Variants in PDE6B observed in about 807,000 individuals in gnomAD.
The protein encoded by PDE6B is rod cGMP-specific 3',5'-cyclic phosphodiesterase subunit beta.
Under a neutral mutation model 109.0 loss-of-function variants are expected in PDE6B, and 106 were observed. The observed-to-expected ratio is 0.97, with a 90% CI of 0.83 to 1.14. PDE6B has a LOEUF of 1.14. Ranked by LOEUF, PDE6B falls within the 50% of genes most tolerant of loss-of-function variation. PDE6B has a pLI of 0.00. For missense variants in PDE6B, 1,193 were observed against 1,155.6 expected (o/e 1.03, Z -0.47); for synonymous variants, 490 against 471.3 (o/e 1.04, Z -0.51).
In PDE6B at chr4:663,024, A is replaced by AT; in HGVS notation, c.1833-75dup. On this transcript the variant is annotated intron_variant, in intron 14 of 21. Coordinates refer to ENST00000496514, the MANE Select transcript of PDE6B (RefSeq NM_000283.4). The surrounding 1 kb of genome is among the most constrained non-coding windows in gnomAD (Gnocchi z 4.0). Reference sequence around the variant, plus strand: ...TCTCAAAAAAAAGAAAGTGGGGCCCATCTGGGGGGGCTGCAGAGCGCAGGG... The same window carrying AT: ...TCTCAAAAAAAAGAAAGTGGGGCCCATTCTGGGGGGGCTGCAGAGCGCAGGG... The AT allele has an allele frequency of 1.2e-6, 1 of 854,978 alleles. No individual in the cohort carries two copies. Among genetic ancestry groups the AT allele is most frequent in the South Asian group, 1.3e-5 (1 of 75,816 alleles). 53.0% of individuals were successfully genotyped at this position (854,978 alleles called of 1,614,324 possible). A position where few individuals can be genotyped will look rare whatever the true frequency, so the allele number is the denominator to read the frequency against.
chr4:662,436 T>G lies in PDE6B; in HGVS notation c.1723-73T>G. 1 of 1,097,152 alleles carries G rather than the reference T, an allele frequency of 9.1e-7. No individual in the cohort carries two copies. The highest frequency in any genetic ancestry group is 1.4e-6 in the Non-Finnish European group (1 of 712,796). The allele number at this position is 1,097,152 out of a possible 1,614,324, so 68.0% of individuals were successfully genotyped here. On this transcript the variant is annotated intron_variant, in intron 13 of 21. Transcript: ENST00000496514. The surrounding 1 kb of genome is among the most constrained non-coding windows in gnomAD (Gnocchi z 4.3). ...TCCAACCTCCAACCCGACGCCTAGG[T>G]CATCCCAACCCCTCACCACTCCCCA...
At chr4:638,363 A>G (rs1230244970) in intron 3 of PDE6B, among the ~76,000 whole-genome samples, 3 of 152,088 alleles carry the variant, frequency 2.0e-5, no homozygotes, top group East Asian at 3.9e-4. Context: ...TACTCTTGTC[A>G]TTCAGGTGGA....
At position 639,970 on chromosome 4, in the gene PDE6B, C is replaced by A. The variant is rs541519743; in HGVS notation, c.711+4001C>A. Among the ~76,000 whole-genome samples the A allele has an allele frequency of 1.7e-4, 26 of 152,142 alleles. No individual in the cohort carries two copies. In the South Asian group the frequency reaches 5.2e-3, roughly 30 times the overall value. ...CCGAGATCACCCCACTGTACTCCAGCCTGGGCGACAGAGCGAGACTCCATC... is the reference window on the plus strand; with the variant it reads ...CCGAGATCACCCCACTGTACTCCAGACTGGGCGACAGAGCGAGACTCCATC... On this transcript the variant is annotated intron_variant, in intron 3 of 21. Transcript: ENST00000496514.
chr4:643,486 C>T (rs1735041107), intron 3 of PDE6B, among the ~76,000 whole-genome samples: 1 of 152,136 alleles, frequency 6.6e-6, no homozygotes, highest in African/African-American at 2.4e-5. Flanking sequence ...AGTGAATTGA[C>T]ATAACATCTT....
rs919521193 is a variant in PDE6B at position 666,790 on chromosome 4, G to T, written c.2352+176G>T. Among the ~76,000 whole-genome samples, 2 of 152,162 alleles carry T rather than the reference G, an allele frequency of 1.3e-5. No individual in the cohort carries two copies. The highest frequency in any genetic ancestry group is 4.8e-5 in the African/African-American group (2 of 41,440). ...GTGGGGCAAATGGGGAGGAACATCA[G>T]TTTCCGGACCCCCACAGGTGCCCCA... On this transcript the variant is annotated intron_variant, in intron 20 of 21. Coordinates refer to ENST00000496514, the MANE Select transcript of PDE6B (RefSeq NM_000283.4). This position sits in a 1 kb window ranked among gnomAD's most constrained non-coding sequence, Gnocchi z 5.6.
rs773059660 is a variant in PDE6B at position 663,906 on chromosome 4, G to C, written c.2021+36G>C. 2 of 1,507,430 alleles carry C rather than the reference G, an allele frequency of 1.3e-6. No individual in the cohort carries two copies. Among genetic ancestry groups the C allele is most frequent in the Non-Finnish European group, 1.8e-6 (2 of 1,096,494 alleles). The allele number at this position is 1,507,430 out of a possible 1,614,324, so 93.4% of individuals were successfully genotyped here. On this transcript the variant is annotated intron_variant, in intron 16 of 21. Transcript: ENST00000496514. The surrounding 1 kb of genome is among the most constrained non-coding windows in gnomAD (Gnocchi z 4.0). ...TCCGGGAGGGGGCGCCTCGCGGGGC[G>C]GGCGGGTAGCCTGGGACCCCCGGCA...
At chr4:627,068 A>G (rs1206345036) in intron 1 of PDE6B, among the ~76,000 whole-genome samples, 3 of 151,950 alleles carry the variant, frequency 2.0e-5, no homozygotes, top group Non-Finnish European at 4.4e-5. Context: ...ATTACCCACC[A>G]GGCTGCCAGC....
rs144512155 is a variant in PDE6B, at chr4:626,076, C to T, written c.450C>T (p.Asn150=). Residue 150 remains asparagine (N), a synonymous_variant, in exon 1 of 22, where the codon AAC becomes AAT. Transcript: ENST00000496514. This position sits in a 1 kb window ranked among gnomAD's most constrained non-coding sequence, Gnocchi z 4.6. ...GHVAQTKKMV[N]VEDVAECPHF... is the part of the protein sequence containing the mutation. The stretch of plus-strand genomic sequence containing the variant: ...TGGCTCAGACCAAAAAGATGGTGAA[C>T]GTCGAGGACGTGGCCGAGGTGGGTC... 10 of 1,586,088 alleles carry T rather than the reference C, an allele frequency of 6.3e-6. No individual in the cohort carries two copies. The highest frequency in any genetic ancestry group is 1.7e-4 in the Middle Eastern group (1 of 5,800).
rs28510278 is a variant in PDE6B at position 626,010 on chromosome 4, C to T, written c.384C>T (p.Ser128=). Residue 128 remains serine (S), a synonymous_variant, in exon 1 of 22, where the codon TCC becomes TCT. Transcript: ENST00000496514. This position sits in a 1 kb window ranked among gnomAD's most constrained non-coding sequence, Gnocchi z 4.6. ...VLEDCLVPPD[S]EIVFPLDIGV... is the part of the protein sequence containing the mutation. ...AGGACTGCCTGGTGCCCCCCGACTC[C>T]GAGATCGTCTTCCCACTGGACATCG... 7,042 of 1,589,290 alleles carry T rather than the reference C, an allele frequency of 4.4e-3. 262 individuals are homozygous for T. The African/African-American group carries it at 0.084, about 19-fold the overall frequency.
rs201593198 is a variant in PDE6B at position 635,952 on chromosome 4, G to A, written c.694G>A (p.Glu232Lys). 96 of 1,605,798 alleles carry A rather than the reference G, an allele frequency of 6.0e-5. 1 individual carries two copies. The highest frequency in any genetic ancestry group is 5.4e-4 in the East Asian group (24 of 44,858). Reference protein sequence around the residue: ...IYHLSYLHNCETRRGQVLLWS... With the variant: ...IYHLSYLHNCKTRRGQVLLWS... ...TCACCTGAGCTACCTCCACAACTGC[G>A]AGACGCGCCGCGGCCAGGTACCCAC... Residue 232 changes from glutamate (E) to lysine (K), a missense_variant, in exon 3 of 22, where the codon GAG becomes AAG. Physicochemically the swap from Glu to Lys is moderately conservative, Grantham distance 56. Transcript: ENST00000496514.
In PDE6B at chr4:668,166, G is replaced by A. The variant is rs28483373; in HGVS notation, c.2503+160G>A. 0.17 allele frequency among the ~76,000 whole-genome samples: 25,156 copies of A among 151,896 alleles called. 2,574 individuals are homozygous for A. The highest frequency in any genetic ancestry group is 0.28 in the African/African-American group (11,702 of 41,336). ...ACAGTGCAGGGAGAGAGGCCACGGC[G>A]GGGGAGAGTGGCAGCTGACTCCACC... On this transcript the variant is annotated intron_variant, in intron 21 of 21. Transcript: ENST00000496514.
intron 1 of PDE6B, among the ~76,000 whole-genome samples, chr4:634,385 G>A (rs1298993140): frequency 2.6e-5 from 4 of 152,172 alleles, no homozygotes; most frequent in East Asian, 1.9e-4. Flanking sequence ...CGGCAGGTGC[G>A]TGAGGTGCCA....
At position 625,848 on chromosome 4, in the gene PDE6B, C is replaced by T. The variant is rs148073084; in HGVS notation, c.222C>T (p.Arg74=). The T allele has an allele frequency of 1.3e-5, 21 of 1,612,370 alleles. No homozygotes were observed. The highest frequency in any genetic ancestry group is 1.7e-5 in the Admixed American group (1 of 59,924). ...QDMQESINME[R]VVFKVLRRLC... is the part of the protein sequence containing the mutation. ...TGCAGGAGAGCATCAACATGGAGCG[C>T]GTGGTCTTCAAGGTCCTGCGGCGCC... is the stretch of plus-strand genomic sequence containing the variant. The change falls in exon 1 of 22, where the codon CGC becomes CGT. Residue 74 remains arginine (R), a synonymous_variant. Transcript: ENST00000496514. This position sits in a 1 kb window ranked among gnomAD's most constrained non-coding sequence, Gnocchi z 5.0.
At chr4:629,754 C>T (rs1020446213) in intron 1 of PDE6B, among the ~76,000 whole-genome samples, 4 of 152,192 alleles carry the variant, frequency 2.6e-5, no homozygotes, top group East Asian at 3.9e-4. Flanking sequence ...CAGGACCGGC[C>T]GTCAGCCATG....
chr4:654,753 CTGTGTGTG>C, intron 5 of PDE6B, 63 bp from the exon 6 acceptor site: 1 of 808,420 alleles, frequency 1.2e-6, no homozygotes, highest in Non-Finnish European at 2.2e-6. Context: ...CTGCATGTAG[CTGTGTGTG>C]TGTGTGTGAG....
In PDE6B at chr4:657,015, C is replaced by A; in HGVS notation, c.1249C>A (p.Leu417Ile). The A allele has an allele frequency of 1.2e-6, 2 of 1,613,120 alleles. No individual in the cohort carries two copies. The highest frequency in any genetic ancestry group is 1.7e-5 in the Admixed American group (1 of 60,030). The change falls in exon 9 of 22, where the codon CTC (leucine) becomes ATC (isoleucine). Residue 417 changes from leucine to isoleucine, a missense_variant. Leu to Ile is a conservative substitution (Grantham distance 5). Transcript: ENST00000496514. ...GKPFDEQDEVLMESLTQFLGW... is the reference protein window; with the variant it reads ...GKPFDEQDEVIMESLTQFLGW... ...GCCCTTTGACGAACAGGACGAGGTT[C>A]TCATGGAGGTAAGCACCTGGGCAGA...
chr4:632,832 C>T (rs187486336), intron 1 of PDE6B, among the ~76,000 whole-genome samples: 54 of 152,024 alleles, frequency 3.6e-4, no homozygotes, highest in Admixed American at 4.6e-4. Context: ...TGTGTGGTGC[C>T]GTCTGAGGGT....
At chr4:668,505 C>T (rs1738069980) in intron 21 of PDE6B, among the ~76,000 whole-genome samples, 1 of 139,542 alleles carries the variant, frequency 7.2e-6, no homozygotes, top group Non-Finnish European at 1.5e-5. Context: ...ATGCTATTCC[C>T]CTACCCCATG....
At chr4:646,786 C>T (rs1231506568) in intron 3 of PDE6B, among the ~76,000 whole-genome samples, 3 of 152,010 alleles carry the variant, frequency 2.0e-5, no homozygotes, top group Admixed American at 6.6e-5. Context: ...CATCTCTTTG[C>T]TTATGTTACC....
Sources: gnomAD v4.1 joint callset for allele counts (sites outside exome capture counted in the v4.1 genomes callset) on GRCh38, gnomAD v4.1.1 for gene constraint, Gnocchi (gnomAD v3.1) non-coding constraint, MANE v1.5 for transcripts, NCBI Gene and HGNC (gene_info 2026-07-23, HGNC 2026-07-21) for gene names.